ZFAT: variants seen among roughly 807,000 people sequenced by gnomAD.
ZFAT encodes zinc finger protein ZFAT.
ZFAT carries 64 observed loss-of-function variants against 117.7 expected under a neutral mutation model. That is an observed-to-expected ratio of 0.54 (90% CI 0.44 to 0.67). The LOEUF is 0.67. ZFAT is among the 30% of genes least tolerant of loss of function. The pLI, the probability that ZFAT is intolerant of heterozygous loss-of-function variation, is 0.00. For missense variants in ZFAT, 1,433 were observed against 1,584.5 expected (o/e 0.90, Z 1.62); for synonymous variants, 679 against 615.0 (o/e 1.10, Z -1.54).
At chr8:134,648,381 G>GT (rs1250937258) in intron 2 of ZFAT, among the ~76,000 whole-genome samples, 1 of 151,724 alleles carries the variant, frequency 6.6e-6, no homozygotes. Flanking sequence ...CAAAACCAAT[G>GT]TTTTTCAAAG....
At chr8:134,521,850 T>C (rs1820683166) in intron 12 of ZFAT, among the ~76,000 whole-genome samples, 1 of 152,234 alleles carries the variant, frequency 6.6e-6, no homozygotes. Context: ...GCCGCCACCC[T>C]GAGCTGGGCC....
At chr8:134,752,067 C>T in the ZFAT span, among the ~76,000 whole-genome samples, 1 of 152,154 alleles carries the variant, frequency 6.6e-6, no homozygotes, top group African/African-American at 2.4e-5. Context: ...GGGGGTTAGG[C>T]TAGATCAACT....
intron 11 of ZFAT, among the ~76,000 whole-genome samples, chr8:134,557,770 A>C (rs1823757966): frequency 6.6e-6 from 1 of 152,246 alleles, no homozygotes; most frequent in Admixed American, 6.5e-5. Flanking sequence ...TGATAATTAC[A>C]CTATATGTAA....
In ZFAT at chr8:134,581,962, C is replaced by T. The variant is rs542136362; in HGVS notation, c.2887+1870G>A. On this transcript the variant is annotated intron_variant, in intron 10 of 15. Coordinates refer to ENST00000377838, the MANE Select transcript of ZFAT (RefSeq NM_020863.4). ...ATGACTTTACAAATACCTCACCCTC[C>T]CAAAAATGTCAGCAGAAAGAAAGAA... Among the ~76,000 whole-genome samples, 17 of 152,278 alleles carry T rather than the reference C, an allele frequency of 1.1e-4. No individual in the cohort carries two copies. In the South Asian group the frequency reaches 3.5e-3, roughly 32 times the overall value.
intron 10 of ZFAT, among the ~76,000 whole-genome samples, chr8:134,575,398 G>A (rs1253209243): frequency 6.6e-6 from 1 of 152,150 alleles, no homozygotes; most frequent in Non-Finnish European, 1.5e-5. Flanking sequence ...CAGAAGAGAT[G>A]GGAAGATGCT....
chr8:134,539,702 G>C (rs1371878506), intron 11 of ZFAT, among the ~76,000 whole-genome samples: 1 of 152,236 alleles, frequency 6.6e-6, no homozygotes, highest in African/African-American at 2.4e-5. Context: ...AAGTGGACTA[G>C]TTGGTACAAG....
intron 1 of ZFAT, among the ~76,000 whole-genome samples, chr8:134,661,471 G>T (rs1184005005): frequency 6.6e-6 from 1 of 152,232 alleles, no homozygotes; most frequent in African/African-American, 2.4e-5. Flanking sequence ...CCACACCCTG[G>T]ATTCTGCAAT....
the ZFAT span, among the ~76,000 whole-genome samples, chr8:134,786,109 T>C: frequency 3.3e-5 from 5 of 152,216 alleles, no homozygotes; most frequent in Admixed American, 6.5e-5. Flanking sequence ...ATTGCTCTTA[T>C]ATCCAAAATC....
chr8:134,493,118 C>A (rs1818170409), intron 15 of ZFAT, among the ~76,000 whole-genome samples: 1 of 152,342 alleles, frequency 6.6e-6, no homozygotes, highest in South Asian at 2.1e-4. Flanking sequence ...CAATCCCATG[C>A]ACAGTGCAAA....
At chr8:134,674,578 C>T (rs6998884) in intron 1 of ZFAT, among the ~76,000 whole-genome samples, 52,590 of 152,100 alleles carry the variant, frequency 0.35, 9,466 homozygotes, top group South Asian at 0.43. Context: ...TCTTAAACAT[C>T]CCTGCCTGAC....
rs547146972 is a variant in ZFAT, at chr8:134,521,195, A to G, written c.3116-194T>C. Among the ~76,000 whole-genome samples, 5 of 152,340 alleles carry G rather than the reference A, an allele frequency of 3.3e-5. No individual in the cohort carries two copies. In the South Asian group the frequency reaches 1.0e-3, roughly 32 times the overall value. ...TGTTTTTTCAAGGCAGAGATTTTAA[A>G]ACTTCATGTACTTTTTTTATTTGTT... is the stretch of plus-strand genomic sequence containing the variant. On this transcript the variant is annotated intron_variant, in intron 12 of 15. Coordinates refer to ENST00000377838, the MANE Select transcript of ZFAT (RefSeq NM_020863.4).
intron 2 of ZFAT, among the ~76,000 whole-genome samples, chr8:134,640,077 C>T (rs1324296539): frequency 1.3e-5 from 2 of 152,204 alleles, no homozygotes; most frequent in Admixed American, 6.5e-5. Flanking sequence ...AAAAGCTCCA[C>T]GTCTAGAACC....
the ZFAT span, among the ~76,000 whole-genome samples, chr8:134,731,097 G>A: frequency 2.6e-5 from 4 of 152,330 alleles, no homozygotes; most frequent in Admixed American, 6.5e-5. Flanking sequence ...ACAGACAATA[G>A]CAAGTGTCAG....
intron 12 of ZFAT, among the ~76,000 whole-genome samples, chr8:134,526,277 G>T (rs181660796): frequency 3.2e-4 from 49 of 152,238 alleles, no homozygotes; most frequent in African/African-American, 1.1e-3. Context: ...TTCAGCCTTT[G>T]CCACAGTGAC....
At chr8:134,768,341 T>G in the ZFAT span, among the ~76,000 whole-genome samples, 1 of 152,230 alleles carries the variant, frequency 6.6e-6, no homozygotes, top group Non-Finnish European at 1.5e-5. Context: ...ATTTACGTAA[T>G]TAATAAATGT....
rs753671440 is a variant in ZFAT, at chr8:134,602,107, C to A, written c.1612G>T (p.Gly538Trp). The A allele has an allele frequency of 5.0e-6, 8 of 1,612,102 alleles. No homozygotes were observed. The African/African-American group carries it at 9.3e-5, about 19-fold the overall frequency. The stretch of plus-strand genomic sequence containing the variant: ...CGGCCCTCCTCCAGCTGAGTGTCCC[C>A]AGGACAGGCCTCTTCCTTGAGTGCA... ...VNALKEEACP[G>W]DTQLEEGRKE... Residue 538 changes from glycine (G) to tryptophan (W), a missense_variant, in exon 6 of 16, where the codon GGG becomes TGG. Around this residue, in one of 5 missense-constraint regions of ZFAT, gnomAD observed 372 missense variants for 355.6 expected, o/e 1.05. Transcript: ENST00000377838.
At chr8:134,570,979 A>C (rs1353697723) in intron 10 of ZFAT, among the ~76,000 whole-genome samples, 4 of 152,350 alleles carry the variant, frequency 2.6e-5, no homozygotes, top group African/African-American at 7.2e-5. Context: ...GAATGAAGTA[A>C]GGAAGCAGAG....
rs551272665 is a variant in ZFAT, at chr8:134,499,326, G to A, written c.3492+10293C>T. 2.5e-3 allele frequency among the ~76,000 whole-genome samples: 356 copies of A among 142,642 alleles called. 1 individual carries two copies. Among genetic ancestry groups the A allele is most frequent in the Admixed American group, 5.2e-3 (76 of 14,486 alleles). 93.6% of individuals were successfully genotyped at this position (142,642 alleles called of 152,430 possible). Reference sequence around the variant, plus strand: ...CACAGAGCCTGATTTGGTAGGGTCGGGGTGGAGCTGGGATGCCCCAGCTGC... The same window carrying A: ...CACAGAGCCTGATTTGGTAGGGTCGAGGTGGAGCTGGGATGCCCCAGCTGC... On this transcript the variant is annotated intron_variant, in intron 15 of 15. Coordinates refer to ENST00000377838, the MANE Select transcript of ZFAT (RefSeq NM_020863.4).
intron 6 of ZFAT, among the ~76,000 whole-genome samples, chr8:134,600,961 C>G (rs527911586): frequency 6.6e-6 from 1 of 152,248 alleles, no homozygotes; most frequent in Admixed American, 6.5e-5. Context: ...ATGCATAAAT[C>G]TACAAATCTC....
Sources: gnomAD v4.1 joint callset for allele counts (sites outside exome capture counted in the v4.1 genomes callset) on GRCh38, gnomAD v4.1.1 for gene constraint, gnomAD v4.1.1 regional missense constraint, MANE v1.5 for transcripts, NCBI Gene and HGNC (gene_info 2026-07-23, HGNC 2026-07-21) for gene names.